The following MARCHF1 variants were observed in gnomAD, a reference collection of about 807,000 sequenced individuals.
MARCHF1 encodes E3 ubiquitin-protein ligase MARCHF1.
In MARCHF1, 40 loss-of-function variants were observed where a neutral mutation model predicts 54.2. That is an observed-to-expected ratio of 0.74 (90% confidence interval 0.57 to 0.96). MARCHF1 has a LOEUF of 0.96. Among genes scored for constraint, MARCHF1 ranks in the 40% least tolerant of loss-of-function variants. The pLI is 0.00. For missense variants in MARCHF1, 586 were observed against 656.5 expected (o/e 0.89, Z 1.17); for synonymous variants, 236 against 236.3 (o/e 1.00, Z 0.01).
chr4:164,105,854 G>A (rs1237355956), intron 2 of MARCHF1, among the ~76,000 whole-genome samples: 55 of 145,650 alleles, frequency 3.8e-4, no homozygotes, highest in East Asian at 9.8e-4. Context: ...GAAAATTTTC[G>A]CAACCTACTC....
intron 1 of MARCHF1, among the ~76,000 whole-genome samples, chr4:164,305,976 T>C (rs932556783): frequency 3.9e-5 from 6 of 152,162 alleles, no homozygotes; most frequent in African/African-American, 9.6e-5. Context: ...CTTCAAATAA[T>C]TGATACCACC....
rs55924377 is a variant in MARCHF1 at position 164,055,443 on chromosome 4, C to CAAA, written c.-248+56142_-248+56144dup. 9.5e-3 allele frequency among the ~76,000 whole-genome samples: 1,316 copies of CAAA among 138,978 alleles called. 11 individuals carry two copies. The highest frequency in any genetic ancestry group is 0.016 in the Non-Finnish European group (1,004 of 64,600). 91.2% of individuals were successfully genotyped at this position (138,978 alleles called of 152,430 possible). A position where few individuals can be genotyped will look rare whatever the true frequency, so the allele number is the denominator to read the frequency against. ...TGGATGAGAGAGTGACACCCTGTCT[C>CAAA]AAAAAAAAAAAAAAAAATTAGGAAT... On this transcript the variant is annotated intron_variant, in intron 2 of 9. Transcript: ENST00000514618.
In MARCHF1 at chr4:164,331,125, C is replaced by T. The variant is rs555483528; in HGVS notation, c.-323+52745G>A. 2.8e-4 allele frequency among the ~76,000 whole-genome samples: 43 copies of T among 152,118 alleles called. No individual in the cohort carries two copies. In the South Asian group the frequency reaches 5.8e-3, roughly 21 times the overall value. On this transcript the variant is annotated intron_variant, in intron 1 of 9. Coordinates refer to ENST00000514618, the MANE Select transcript of MARCHF1 (RefSeq NM_001394959.1). ...CATTAGTCAATATTTCTCTTATCTC[C>T]TTTTATTTAAAAATAATAATAATGA... is the stretch of plus-strand genomic sequence containing the variant.
At chr4:164,222,249 G>T (rs1732136366) in intron 1 of MARCHF1, among the ~76,000 whole-genome samples, 1 of 148,790 alleles carries the variant, frequency 6.7e-6, no homozygotes, top group African/African-American at 2.5e-5. Context: ...AATAACAATT[G>T]ATATTTTTAG....
intron 4 of MARCHF1, among the ~76,000 whole-genome samples, chr4:163,837,443 G>A (rs1749219893): frequency 1.3e-5 from 2 of 152,062 alleles, no homozygotes; most frequent in South Asian, 4.1e-4. Flanking sequence ...GCATGTAAGA[G>A]ACACAACTTA....
intron 4 of MARCHF1, among the ~76,000 whole-genome samples, chr4:163,742,031 A>G (rs1746210200): frequency 6.6e-6 from 1 of 152,322 alleles, no homozygotes; most frequent in Non-Finnish European, 1.5e-5. Context: ...TACAATGTGT[A>G]GAATAAAGTA....
At chr4:164,282,626 T>A (rs1325590508) in intron 1 of MARCHF1, among the ~76,000 whole-genome samples, 3 of 151,146 alleles carry the variant, frequency 2.0e-5, no homozygotes, top group Non-Finnish European at 4.4e-5. Context: ...ACTCAATTGG[T>A]CTTTTGGCCA....
At chr4:164,205,395 CAG>C (rs1731577979) in intron 1 of MARCHF1, among the ~76,000 whole-genome samples, 1 of 152,098 alleles carries the variant, frequency 6.6e-6, no homozygotes, top group Non-Finnish European at 1.5e-5. Context: ...ATAAGTTGCC[CAG>C]AGTCATATAG....
chr4:163,891,542 G>A (rs1313353282), intron 3 of MARCHF1, among the ~76,000 whole-genome samples: 2 of 151,054 alleles, frequency 1.3e-5, no homozygotes, highest in East Asian at 1.9e-4. Flanking sequence ...TCAACTCACC[G>A]AAATGAAACA....
At chr4:163,727,494 A>C (rs753370836) in intron 4 of MARCHF1, among the ~76,000 whole-genome samples, 5 of 151,208 alleles carry the variant, frequency 3.3e-5, no homozygotes, top group Non-Finnish European at 7.4e-5. Context: ...TTCAGTGGAG[A>C]TGGGGTTTCA....
chr4:163,553,659 T>C (rs995763407), intron 8 of MARCHF1, among the ~76,000 whole-genome samples: 1 of 152,242 alleles, frequency 6.6e-6, no homozygotes, highest in Non-Finnish European at 1.5e-5. Context: ...CTTCTCATTC[T>C]TGTTGTCAAA....
At chr4:163,624,017 C>A (rs997909959) in intron 5 of MARCHF1, among the ~76,000 whole-genome samples, 1 of 152,130 alleles carries the variant, frequency 6.6e-6, no homozygotes, top group Non-Finnish European at 1.5e-5. Flanking sequence ...GGTGATAATA[C>A]CTCGTGAACC....
intron 2 of MARCHF1, among the ~76,000 whole-genome samples, chr4:164,109,348 G>C (rs1755780236): frequency 6.6e-6 from 1 of 151,084 alleles, no homozygotes; most frequent in African/African-American, 2.4e-5. Context: ...AGTTATTCCT[G>C]TGCTTAAAAA....
chr4:163,586,624 G>A (rs1336817978), intron 7 of MARCHF1, among the ~76,000 whole-genome samples: 1 of 152,146 alleles, frequency 6.6e-6, no homozygotes, highest in Non-Finnish European at 1.5e-5. Flanking sequence ...ATACATGGAA[G>A]TCAATTTTAA....
chr4:164,192,069 A>C (rs1388470670), intron 1 of MARCHF1, among the ~76,000 whole-genome samples: 3 of 152,158 alleles, frequency 2.0e-5, no homozygotes, highest in Non-Finnish European at 4.4e-5. Context: ...TACCTCACTA[A>C]GTAAATATTA....
chr4:164,318,909 TTTAAA>T (rs1328531890), intron 1 of MARCHF1, among the ~76,000 whole-genome samples: 1 of 152,224 alleles, frequency 6.6e-6, no homozygotes, highest in African/African-American at 2.4e-5. Context: ...TATATTTCTA[TTTAAA>T]TTAATCATGA....
chr4:164,122,683 C>T (rs1756095259), intron 1 of MARCHF1, among the ~76,000 whole-genome samples: 1 of 152,030 alleles, frequency 6.6e-6, no homozygotes, highest in Non-Finnish European at 1.5e-5. Flanking sequence ...GTTTCTCTTT[C>T]TCTTCACTTC....
chr4:163,751,133 TTGTGTGTGTGTG>T lies in MARCHF1; in HGVS notation c.112-50282_112-50271del, dbSNP rs70948664. ...GACAGAGGTGTCAGCTATTACCACT[TTGTGTGTGTGTG>T]TGTGTGTGTGTGTGTGTGTGTGTGT... On this transcript the variant is annotated intron_variant, in intron 4 of 9. Transcript: ENST00000514618. 1.9e-3 allele frequency among the ~76,000 whole-genome samples: 287 copies of T among 147,380 alleles called. 1 individual carries two copies. Among genetic ancestry groups the T allele is most frequent in the South Asian group, 7.0e-3 (32 of 4,570 alleles).
chr4:164,281,895 C>CTGACT (rs1553998302), intron 1 of MARCHF1, among the ~76,000 whole-genome samples: 1 of 143,874 alleles, frequency 7.0e-6, no homozygotes, highest in Non-Finnish European at 1.5e-5. Flanking sequence ...ATAAAATGTC[C>CTGACT]CTTTGCAAAA....
Sources: allele counts gnomAD v4.1 joint callset (sites outside exome capture counted in the v4.1 genomes callset), GRCh38; gene constraint gnomAD v4.1.1; transcripts MANE v1.5; gene names NCBI Gene and HGNC (gene_info 2026-07-23, HGNC 2026-07-21).